Variants in CREB1 observed in about 807,000 individuals in gnomAD.
CREB1 encodes cyclic AMP-responsive element-binding protein 1.
In CREB1, 2 loss-of-function variants were observed where a neutral mutation model predicts 42.0. The observed-to-expected ratio is 0.05, with a 90% CI of 0.02 to 0.15. The LOEUF is 0.15. Ranked by LOEUF, CREB1 falls within the 10% of genes least tolerant of loss-of-function variation. The pLI, the probability that CREB1 is intolerant of heterozygous loss-of-function variation, is 1.00. For missense variants in CREB1, 199 were observed against 388.9 expected, an observed-to-expected ratio of 0.51 and a Z score of 4.11; for synonymous variants, 123 against 139.9, an observed-to-expected ratio of 0.88 and a Z score of 0.85.
intron 7 of CREB1, among the ~76,000 whole-genome samples, chr2:207,595,848 C>T (rs1015117721): frequency 6.6e-6 from 1 of 152,180 alleles, no homozygotes; most frequent in Non-Finnish European, 1.5e-5. Context: ...GGATTATAGG[C>T]GTGAGCCATA....
At chr2:207,553,384 T>A (rs1391293553) in intron 1 of CREB1, among the ~76,000 whole-genome samples, 3 of 152,166 alleles carry the variant, frequency 2.0e-5, no homozygotes, top group Non-Finnish European at 4.4e-5. Context: ...AAACTTTTGT[T>A]GTTGTTGTTT....
chr2:207,594,364 AAAC>A (rs1173108602), intron 7 of CREB1, among the ~76,000 whole-genome samples: 2 of 152,162 alleles, frequency 1.3e-5, no homozygotes, highest in African/African-American at 4.8e-5. Context: ...TGTACCCGGT[AAAC>A]AACAACTCCC....
chr2:207,586,519 G>A (rs1247975053), intron 7 of CREB1, among the ~76,000 whole-genome samples: 1 of 152,096 alleles, frequency 6.6e-6, no homozygotes, highest in Non-Finnish European at 1.5e-5. Context: ...AAACTTCATG[G>A]CTAAGACTCC....
At chr2:207,548,333 G>A (rs1472667740) in intron 1 of CREB1, among the ~76,000 whole-genome samples, 2 of 152,076 alleles carry the variant, frequency 1.3e-5, no homozygotes, top group East Asian at 3.9e-4. Flanking sequence ...ATCAAGGATG[G>A]CATTCAAATA....
At chr2:207,581,645 A>T (rs558591229) in intron 7 of CREB1, 6 of 422,776 alleles carry the variant, frequency 1.4e-5, no homozygotes, top group Non-Finnish European at 2.5e-5. Flanking sequence ...AAGGAGTTTT[A>T]AAAATACAGA....
rs1488202452 is a variant in CREB1, at chr2:207,597,372, G to T, written c.*314G>T. The T allele has an allele frequency of 3.5e-6, 1 of 288,942 alleles. No individual in the cohort carries two copies. Among genetic ancestry groups the T allele is most frequent in the Non-Finnish European group, 6.4e-6 (1 of 156,972 alleles). The allele number at this position is 288,942 out of a possible 1,614,324, so 17.9% of individuals were successfully genotyped here. A position where few individuals can be genotyped will look rare whatever the true frequency, so the allele number is the denominator to read the frequency against. On this transcript the variant is annotated 3_prime_UTR_variant, in exon 8 of 8. Transcript: ENST00000353267. Reference sequence around the variant, plus strand: ...AAATTGATGGGAGAAATGAGGAAAAGAAAATCTTTTTAAAAATGATTTCAA... The same window carrying T: ...AAATTGATGGGAGAAATGAGGAAAATAAAATCTTTTTAAAAATGATTTCAA...
At chr2:207,558,319 C>T (rs1435190002) in intron 2 of CREB1, among the ~76,000 whole-genome samples, 1 of 152,194 alleles carries the variant, frequency 6.6e-6, no homozygotes. Flanking sequence ...TCTTCCATTA[C>T]AACCCCAGTC....
chr2:207,599,058 C>A lies in CREB1; in HGVS notation c.*2000C>A. The A allele has an allele frequency of 5.3e-6, 1 of 188,364 alleles. No homozygotes were observed. The highest frequency in any genetic ancestry group is 1.1e-5 in the Non-Finnish European group (1 of 89,626). The allele number at this position is 188,364 out of a possible 1,614,324, so 11.7% of individuals were successfully genotyped here. ...GTAAATGGTATATTTTCGTTTGTAA[C>A]AAACCATTGTCTTTTTTCAAGGATG... On this transcript the variant is annotated 3_prime_UTR_variant, in exon 8 of 8. Transcript: ENST00000353267.
In CREB1 at chr2:207,558,890, G is replaced by A. The variant is rs372026854; in HGVS notation, c.115-1336G>A. On this transcript the variant is annotated intron_variant, in intron 2 of 7. Coordinates refer to ENST00000353267, the MANE Select transcript of CREB1 (RefSeq NM_004379.5). ...ACTCTAGACCTCAGATGATCCACCC[G>A]CCTCGGCCTCCCAAAGTGCTGGGAT... 3.9e-4 allele frequency among the ~76,000 whole-genome samples: 60 copies of A among 152,148 alleles called. 1 individual carries two copies. Among genetic ancestry groups the A allele is most frequent in the South Asian group, 1.2e-3 (6 of 4,820 alleles).
Position 207,599,869 on chromosome 2 carries a change from A to G in CREB1, c.*2811A>G, listed in dbSNP as rs1418326997. On this transcript the variant is annotated 3_prime_UTR_variant, in exon 8 of 8. Coordinates refer to ENST00000353267, the MANE Select transcript of CREB1 (RefSeq NM_004379.5). ...TTGGCCAAAAGGGAATAAAAATGTC[A>G]TCATAGGAATTTGTACATATGCTAC... The G allele has an allele frequency of 5.1e-6, 1 of 195,590 alleles. No individual in the cohort carries two copies. Among genetic ancestry groups the G allele is most frequent in the Non-Finnish European group, 1.1e-5 (1 of 94,080 alleles). The allele number at this position is 195,590 out of a possible 1,614,324, so 12.1% of individuals were successfully genotyped here.
chr2:207,570,779 T>G (rs1481829145), intron 5 of CREB1, among the ~76,000 whole-genome samples: 4 of 152,194 alleles, frequency 2.6e-5, no homozygotes, highest in Admixed American at 1.3e-4. Context: ...TAAGCATGGC[T>G]TGGTTGAGTC....
rs2087033582 is a variant in CREB1 at position 207,601,440 on chromosome 2, T to A, written c.*4382T>A. ...TAAAAACAGCTGTAAAAGAAAAACATCAGGAAATTAGATATGACTAGCCCA... is the reference window on the plus strand; with the variant it reads ...TAAAAACAGCTGTAAAAGAAAAACAACAGGAAATTAGATATGACTAGCCCA... On this transcript the variant is annotated 3_prime_UTR_variant, in exon 8 of 8. Transcript: ENST00000353267. 5.3e-6 allele frequency: 1 copy of A among 190,268 alleles called. No homozygotes were observed. The allele number at this position is 190,268 out of a possible 1,614,324, so 11.8% of individuals were successfully genotyped here.
At chr2:207,569,370 A>T (rs1418038398) in intron 4 of CREB1, among the ~76,000 whole-genome samples, 1 of 152,108 alleles carries the variant, frequency 6.6e-6, no homozygotes, top group Non-Finnish European at 1.5e-5. Context: ...TGCCAGTTTT[A>T]TACTCCCAGC....
In CREB1 at chr2:207,603,754, A is replaced by C. The variant is rs542833661; in HGVS notation, c.*6696A>C. Reference sequence around the variant, plus strand: ...CACTGAAAGGACAATAAGACTATATACCTTCTCAGGTCCCCTTGCAATTCT... The same window carrying C: ...CACTGAAAGGACAATAAGACTATATCCCTTCTCAGGTCCCCTTGCAATTCT... On this transcript the variant is annotated 3_prime_UTR_variant, in exon 8 of 8. Coordinates refer to ENST00000353267, the MANE Select transcript of CREB1 (RefSeq NM_004379.5). Among the ~76,000 whole-genome samples, 8 of 152,260 alleles carry C rather than the reference A, an allele frequency of 5.3e-5. No individual in the cohort carries two copies. In the South Asian group the frequency reaches 1.0e-3, roughly 20 times the overall value.
chr2:207,565,529 G>GA (rs965305069), intron 3 of CREB1, among the ~76,000 whole-genome samples: 20 of 144,312 alleles, frequency 1.4e-4, no homozygotes, highest in African/African-American at 3.1e-4. Flanking sequence ...TCCAGAGTTA[G>GA]AAAAAAAAAG....
chr2:207,556,943 C>T (rs2081749982), intron 2 of CREB1, among the ~76,000 whole-genome samples: 2 of 152,044 alleles, frequency 1.3e-5, no homozygotes, highest in Admixed American at 6.6e-5. Context: ...TCAAGACGAG[C>T]CTGGCCAACA....
intron 1 of CREB1, among the ~76,000 whole-genome samples, chr2:207,553,923 A>G (rs931347184): frequency 6.6e-6 from 1 of 152,156 alleles, no homozygotes; most frequent in Non-Finnish European, 1.5e-5. Flanking sequence ...TACTTTTTTA[A>G]AAAAATAAAT....
At chr2:207,587,923 T>G (rs1167218850) in intron 7 of CREB1, among the ~76,000 whole-genome samples, 1 of 152,156 alleles carries the variant, frequency 6.6e-6, no homozygotes, top group East Asian at 1.9e-4. Context: ...TTGTGTATTT[T>G]CACAAAGCTA....
At chr2:207,563,544 C>T (rs1204987564) in intron 3 of CREB1, among the ~76,000 whole-genome samples, 1 of 152,050 alleles carries the variant, frequency 6.6e-6, no homozygotes, top group African/African-American at 2.4e-5. Flanking sequence ...TCAAATGCAC[C>T]TAGTTTTGTT....
Sources: gnomAD v4.1 joint callset for allele counts (sites outside exome capture counted in the v4.1 genomes callset) on GRCh38, gnomAD v4.1.1 for gene constraint, MANE v1.5 for transcripts, NCBI Gene and HGNC (gene_info 2026-07-23, HGNC 2026-07-21) for gene names.